Variants in MRLN observed in about 807,000 individuals in gnomAD.
MRLN encodes myoregulin.
chr10:59,741,088 A>G (rs1840979159), intron 1 of MRLN, among the ~76,000 whole-genome samples: 4 of 152,130 alleles, frequency 2.6e-5, no homozygotes, highest in Admixed American at 2.6e-4. Flanking sequence ...GTGAGCCACC[A>G]GTCCCAGCCT....
chr10:59,749,887 C>T (rs1008814410), intron 1 of MRLN, among the ~76,000 whole-genome samples: 3 of 151,810 alleles, frequency 2.0e-5, no homozygotes, highest in African/African-American at 7.3e-5. Flanking sequence ...CCCAGAGAAG[C>T]TGAGGCAGAC....
chr10:59,743,860 T>C (rs1841010610), intron 1 of MRLN, among the ~76,000 whole-genome samples: 1 of 152,166 alleles, frequency 6.6e-6, no homozygotes, highest in South Asian at 2.1e-4. Flanking sequence ...GAGACGGGGT[T>C]TCGCCATGTT....
intron 1 of MRLN, among the ~76,000 whole-genome samples, chr10:59,752,053 T>C (rs1002615859): frequency 2.6e-5 from 4 of 152,206 alleles, no homozygotes; most frequent in African/African-American, 9.7e-5. Flanking sequence ...ATTTTGAAGT[T>C]GTTTGGGGAG....
chr10:59,753,170 G>A (rs2070183099), intron 1 of MRLN, among the ~76,000 whole-genome samples, 184 bp downstream of exon 1: 1 of 152,108 alleles, frequency 6.6e-6, no homozygotes, highest in Non-Finnish European at 1.5e-5. Flanking sequence ...CTTATAAAAA[G>A]CAGAGAGATG....
At chr10:59,742,796 C>T (rs1272229472) in intron 1 of MRLN, among the ~76,000 whole-genome samples, 1 of 151,710 alleles carries the variant, frequency 6.6e-6, no homozygotes, top group African/African-American at 2.4e-5. Context: ...TGGTACAATC[C>T]TATTCCATTG....
chr10:59,743,072 A>G (rs1481201357), intron 1 of MRLN, among the ~76,000 whole-genome samples: 1 of 152,170 alleles, frequency 6.6e-6, no homozygotes, highest in Non-Finnish European at 1.5e-5. Flanking sequence ...CATAATTAAA[A>G]TACTAAACAA....
intron 1 of MRLN, among the ~76,000 whole-genome samples, chr10:59,750,490 A>G (rs914116121): frequency 2.0e-5 from 3 of 152,238 alleles, no homozygotes; most frequent in African/African-American, 7.2e-5. Flanking sequence ...TTTTCTACAT[A>G]TGAACAAACA....
intron 1 of MRLN, among the ~76,000 whole-genome samples, chr10:59,743,858 G>A (rs1325531419): frequency 6.6e-6 from 1 of 152,172 alleles, no homozygotes; most frequent in Non-Finnish European, 1.5e-5. Context: ...TGGAGACGGG[G>A]TTTCGCCATG....
rs558658978 is a variant in MRLN at position 59,743,805 on chromosome 10, C to T, written c.-124-5243G>A. 3.9e-3 allele frequency among the ~76,000 whole-genome samples: 601 copies of T among 152,288 alleles called. 4 individuals carry two copies. Among genetic ancestry groups the T allele is most frequent in the African/African-American group, 0.013 (548 of 41,566 alleles). On this transcript the variant is annotated intron_variant, in intron 1 of 2. Transcript: ENST00000414264. ...TCAGCCTGCCGAGTGCCTGGGATTG[C>T]AGGTGCGCGCCGCCACGCCTGACTG...
At chr10:59,747,796 C>A (rs1841057515) in intron 1 of MRLN, among the ~76,000 whole-genome samples, 3 of 152,162 alleles carry the variant, frequency 2.0e-5, no homozygotes, top group African/African-American at 7.2e-5. Context: ...TCACACTCTC[C>A]GACACTAATT....
At chr10:59,742,206 CAT>C (rs1242922289) in intron 1 of MRLN, among the ~76,000 whole-genome samples, 2 of 152,148 alleles carry the variant, frequency 1.3e-5, no homozygotes, top group African/African-American at 4.8e-5. Context: ...TAAATTGTGG[CAT>C]AGTCATATAA....
intron 1 of MRLN, among the ~76,000 whole-genome samples, chr10:59,746,080 C>T (rs1231648190): frequency 6.6e-6 from 1 of 152,060 alleles, no homozygotes; most frequent in Non-Finnish European, 1.5e-5. Context: ...TGCAAAGTCC[C>T]TTTTTCACTC....
At position 59,746,364 on chromosome 10, in the gene MRLN, G is replaced by A. The variant is rs576236615; in HGVS notation, c.-125+6990C>T. ...ATTGAGGGTCTATTATGTGCCAGGCGCTGCTTATGCACAACTGGGAGATGA... is the reference window on the plus strand; with the variant it reads ...ATTGAGGGTCTATTATGTGCCAGGCACTGCTTATGCACAACTGGGAGATGA... On this transcript the variant is annotated intron_variant, in intron 1 of 2. Coordinates refer to ENST00000414264, the MANE Select transcript of MRLN (RefSeq NM_001304731.2). 7.7e-4 allele frequency among the ~76,000 whole-genome samples: 117 copies of A among 152,218 alleles called. No homozygotes were observed. In the Middle Eastern group the frequency reaches 0.01, roughly 13 times the overall value.
At chr10:59,752,507 C>T (rs1355435361) in intron 1 of MRLN, among the ~76,000 whole-genome samples, 2 of 152,188 alleles carry the variant, frequency 1.3e-5, no homozygotes, top group African/African-American at 4.8e-5. Flanking sequence ...CAAGCCAGGG[C>T]TCAACAACAA....
At chr10:59,744,370 G>A (rs977383363) in intron 1 of MRLN, 1 of 154,146 alleles carries the variant, frequency 6.5e-6, no homozygotes, top group East Asian at 1.9e-4. Context: ...TCTGGGAGGT[G>A]AGGAGTGTCT....
At chr10:59,737,535 A>C (rs1167727092) in intron 2 of MRLN, among the ~76,000 whole-genome samples, 1 of 151,610 alleles carries the variant, frequency 6.6e-6, no homozygotes, top group African/African-American at 2.4e-5. Context: ...AAGTATCTGC[A>C]GTCATTTCAA....
intron 1 of MRLN, among the ~76,000 whole-genome samples, chr10:59,752,453 A>T (rs1051201336): frequency 4.6e-5 from 7 of 152,238 alleles, no homozygotes; most frequent in African/African-American, 1.4e-4. Flanking sequence ...TGAGGCTCAG[A>T]GTGGTTGAGT....
chr10:59,737,932 A>G (rs1484792638), intron 2 of MRLN: 1 of 152,116 alleles, frequency 6.6e-6, no homozygotes, highest in Non-Finnish European at 1.5e-5. Flanking sequence ...CCCCATATAT[A>G]CTCAACTTAA....
chr10:59,743,915 C>T lies in MRLN; in HGVS notation c.-124-5353G>A, dbSNP rs114516053. 3.9e-3 allele frequency among the ~76,000 whole-genome samples: 590 copies of T among 152,330 alleles called. 7 individuals carry two copies. The highest frequency in any genetic ancestry group is 0.013 in the African/African-American group (542 of 41,578). On this transcript the variant is annotated intron_variant, in intron 1 of 2. Transcript: ENST00000414264. ...TCCTGACCATGAGTGATCTGCCAGCCTCCGCCTCTCAGGTGCCGGGATTGT... is the reference window on the plus strand; with the variant it reads ...TCCTGACCATGAGTGATCTGCCAGCTTCCGCCTCTCAGGTGCCGGGATTGT...
Sources: gnomAD v4.1 joint callset for allele counts (sites outside exome capture counted in the v4.1 genomes callset) on GRCh38, gnomAD v4.1.1 for gene constraint, MANE v1.5 for transcripts, NCBI Gene and HGNC (gene_info 2026-07-23, HGNC 2026-07-21) for gene names.